VSTM2B: variants seen among roughly 807,000 people sequenced by gnomAD.
VSTM2B encodes V-set and transmembrane domain-containing protein 2B.
In VSTM2B, 24 loss-of-function variants were observed where a neutral mutation model predicts 24.0. That is an observed-to-expected ratio of 1.00 (90% CI 0.72 to 1.40). VSTM2B has a LOEUF of 1.40. VSTM2B is among the 40% of genes most tolerant of loss of function. VSTM2B has a pLI of 0.00. For synonymous variants in VSTM2B, 226 were observed against 194.4 expected (o/e 1.16, Z -1.35); for missense variants, 399 against 416.4 (o/e 0.96, Z 0.36).
chr19:29,563,807 C>A, intron 4 of VSTM2B, 39 bp from the exon 5 acceptor site: 1 of 1,531,750 alleles, frequency 6.5e-7, no homozygotes, highest in Non-Finnish European at 8.9e-7. Flanking sequence ...GTTCTTGAGA[C>A]TCAGGTGTTA....
Position 29,526,841 on chromosome 19 carries a change from G to A in VSTM2B, c.82+176G>A, listed in dbSNP as rs1969583067. On this transcript the variant is annotated intron_variant, in intron 1 of 4. Coordinates refer to ENST00000335523, the MANE Select transcript of VSTM2B (RefSeq NM_001146339.2). The surrounding 1 kb of genome is among the most constrained non-coding windows in gnomAD (Gnocchi z 4.1). ...CGAGCGGCGAAGGGTCGCCGCAGCA[G>A]CAGCGCCGCGCCCGAGTCGTTCCCA... The A allele has an allele frequency of 1.8e-6, 1 of 559,242 alleles. No individual in the cohort carries two copies. The highest frequency in any genetic ancestry group is 3.0e-6 in the Non-Finnish European group (1 of 338,090). The allele number at this position is 559,242 out of a possible 1,614,324, so 34.6% of individuals were successfully genotyped here.
At chr19:29,529,239 C>A (rs1969666101) in intron 3 of VSTM2B, 1 of 600,488 alleles carries the variant, frequency 1.7e-6, no homozygotes. Context: ...GCCAGGGAGC[C>A]AGGCAGCAGC....
At chr19:29,548,164 G>A (rs1970193051) in intron 4 of VSTM2B, among the ~76,000 whole-genome samples, 1 of 152,192 alleles carries the variant, frequency 6.6e-6, no homozygotes, top group East Asian at 1.9e-4. Context: ...AGCCACATTT[G>A]CCCAGGAGTA....
At chr19:29,528,099 G>A (rs1437765267) in intron 2 of VSTM2B, among the ~76,000 whole-genome samples, 5 of 152,188 alleles carry the variant, frequency 3.3e-5, no homozygotes, top group African/African-American at 1.2e-4. Context: ...GCTGGGGGAG[G>A]ATTTTGAGCC....
intron 3 of VSTM2B, chr19:29,528,950 G>T: frequency 9.1e-6 from 9 of 985,460 alleles, no homozygotes; most frequent in Non-Finnish European, 9.6e-6. Context: ...AGGCTTGCAG[G>T]GGACGGGGTA....
chr19:29,529,740 G>C (rs572517670), intron 3 of VSTM2B, 79 bp from the exon 4 acceptor site: 3 of 1,394,290 alleles, frequency 2.2e-6, no homozygotes, highest in African/African-American at 2.9e-5. Context: ...GCGCGGATGA[G>C]GGGGCGCGAC....
chr19:29,537,157 C>A (rs908039241), intron 4 of VSTM2B, among the ~76,000 whole-genome samples: 1 of 152,156 alleles, frequency 6.6e-6, no homozygotes, highest in African/African-American at 2.4e-5. Flanking sequence ...GCAGGCTCAG[C>A]CCCTGTAACT....
At position 29,564,122 on chromosome 19, in the gene VSTM2B, T is replaced by C; in HGVS notation, c.*188T>C. On this transcript the variant is annotated 3_prime_UTR_variant, in exon 5 of 5. Coordinates refer to ENST00000335523, the MANE Select transcript of VSTM2B (RefSeq NM_001146339.2). ...GAACACCTAAAATAATGCATCTAGT[T>C]TCCAAATAATTTGGAGTTTGGCCCA... The C allele has an allele frequency of 1.8e-6, 1 of 551,380 alleles. No individual in the cohort carries two copies. Among genetic ancestry groups the C allele is most frequent in the Non-Finnish European group, 3.2e-6 (1 of 309,270 alleles). The allele number at this position is 551,380 out of a possible 1,614,324, so 34.2% of individuals were successfully genotyped here. A position where few individuals can be genotyped will look rare whatever the true frequency, so the allele number is the denominator to read the frequency against.
Position 29,538,264 on chromosome 19 carries a change from T to C in VSTM2B, c.769+7974T>C, listed in dbSNP as rs184165599. On this transcript the variant is annotated intron_variant, in intron 4 of 4. Coordinates refer to ENST00000335523, the MANE Select transcript of VSTM2B (RefSeq NM_001146339.2). ...CACTCTCTCTGTACGAGTTCCGTCATCTGTTATCATCAGCACGACACCGAT... is the reference window on the plus strand; with the variant it reads ...CACTCTCTCTGTACGAGTTCCGTCACCTGTTATCATCAGCACGACACCGAT... Among the ~76,000 whole-genome samples, 38 of 152,314 alleles carry C rather than the reference T, an allele frequency of 2.5e-4. 1 individual carries two copies. In the East Asian group the frequency reaches 7.1e-3, roughly 29 times the overall value.
At chr19:29,551,285 G>C (rs1456427146) in intron 4 of VSTM2B, among the ~76,000 whole-genome samples, 1 of 152,264 alleles carries the variant, frequency 6.6e-6, no homozygotes, top group East Asian at 1.9e-4. Flanking sequence ...GCTTGGGTCA[G>C]ACGATGGCCT....
intron 4 of VSTM2B, among the ~76,000 whole-genome samples, chr19:29,556,641 C>T (rs1240025281): frequency 6.6e-6 from 1 of 152,096 alleles, no homozygotes; most frequent in East Asian, 1.9e-4. Context: ...ATTGTCTCAG[C>T]CAAAAAGCAA....
At chr19:29,557,065 A>G (rs1355992408) in intron 4 of VSTM2B, among the ~76,000 whole-genome samples, 1 of 152,208 alleles carries the variant, frequency 6.6e-6, no homozygotes, top group Non-Finnish European at 1.5e-5. Flanking sequence ...AAAAGAGTCC[A>G]TATAGCCAAG....
intron 4 of VSTM2B, among the ~76,000 whole-genome samples, chr19:29,552,983 A>G (rs1594678): frequency 0.64 from 96,853 of 152,080 alleles, 31,985 homozygotes; most frequent in East Asian, 0.81. Context: ...TGAGCCCCTC[A>G]GGGGAGGGGT....
intron 4 of VSTM2B, among the ~76,000 whole-genome samples, chr19:29,562,928 TG>T (rs1258548080): frequency 6.6e-6 from 1 of 152,158 alleles, no homozygotes; most frequent in African/African-American, 2.4e-5. Flanking sequence ...CAGAAGTTGC[TG>T]GGGTCATTTC....
chr19:29,545,438 C>G (rs1243209460), intron 4 of VSTM2B, among the ~76,000 whole-genome samples: 1 of 152,076 alleles, frequency 6.6e-6, no homozygotes, highest in African/African-American at 2.4e-5. Flanking sequence ...CATGGTGAAA[C>G]CCCATCTCTA....
chr19:29,539,497 G>A (rs764749082), intron 4 of VSTM2B, among the ~76,000 whole-genome samples: 23 of 152,114 alleles, frequency 1.5e-4, no homozygotes, highest in Admixed American at 7.9e-4. Context: ...GGAGGTGCCC[G>A]AAGTCCCCAT....
At position 29,530,002 on chromosome 19, in the gene VSTM2B, G is replaced by T. The variant is rs1049882593; in HGVS notation, c.481G>T (p.Glu161Ter). 1.9e-6 allele frequency: 3 copies of T among 1,541,186 alleles called. No individual in the cohort carries two copies. The highest frequency in any genetic ancestry group is 2.6e-6 in the Non-Finnish European group (3 of 1,146,268). Residue 161 changes from glutamate (E) to a stop codon, truncating the protein, a stop_gained, in exon 4 of 5, where the codon GAG becomes TAG. Transcript: ENST00000335523. LOFTEE classifies it high-confidence loss of function. ...CGCGCCGCCCAACATGCAGGCCGCC[G>T]AGGCCGTGTCCCACATCCAGAGCAG... ...RFAPPNMQAA[E>*]AVSHIQSSGP... is the part of the protein sequence containing the mutation.
intron 4 of VSTM2B, among the ~76,000 whole-genome samples, chr19:29,540,142 G>T (rs990051842): frequency 5.9e-5 from 9 of 152,240 alleles, no homozygotes; most frequent in African/African-American, 2.2e-4. Flanking sequence ...ACCCATGGAA[G>T]GGGGAGCTGA....
chr19:29,533,806 A>G (rs1458388184), intron 4 of VSTM2B, among the ~76,000 whole-genome samples: 1 of 152,224 alleles, frequency 6.6e-6, no homozygotes, highest in Non-Finnish European at 1.5e-5. Context: ...CCCCGAGCTC[A>G]GCTGCTGGCA....
Sources: gnomAD v4.1 joint callset for allele counts (sites outside exome capture counted in the v4.1 genomes callset) on GRCh38, gnomAD v4.1.1 for gene constraint, Gnocchi (gnomAD v3.1) non-coding constraint, MANE v1.5 for transcripts, NCBI Gene and HGNC (gene_info 2026-07-23, HGNC 2026-07-21) for gene names.